GPR39: variants seen among roughly 807,000 people sequenced by gnomAD.
The protein encoded by GPR39 is G protein-coupled receptor 39.
Under a neutral mutation model 18.4 loss-of-function variants are expected in GPR39, and 23 were observed. The observed-to-expected ratio is 1.25, with a 90% CI of 0.90 to 1.77. The LOEUF is 1.77. Ranked by LOEUF, GPR39 falls within the 40% of genes most tolerant of loss-of-function variation. The pLI, the probability that GPR39 is intolerant of heterozygous loss-of-function variation, is 0.00. For missense variants in GPR39, 647 were observed against 602.4 expected (o/e 1.07, Z -0.78); for synonymous variants, 280 against 257.9 (o/e 1.09, Z -0.82).
intron 1 of GPR39, among the ~76,000 whole-genome samples, chr2:132,453,038 T>G (rs943145055): frequency 2.6e-5 from 4 of 152,172 alleles, no homozygotes; most frequent in Admixed American, 6.5e-5. Flanking sequence ...TAGTTCTACA[T>G]CCTTGAGGAA....
chr2:132,548,350 A>G (rs1679984709), intron 1 of GPR39, among the ~76,000 whole-genome samples: 1 of 152,184 alleles, frequency 6.6e-6, no homozygotes. Context: ...TAATATTTTG[A>G]TGGGAAACTA....
At chr2:132,518,458 ATG>A (rs1229751826) in intron 1 of GPR39, among the ~76,000 whole-genome samples, 1 of 152,206 alleles carries the variant, frequency 6.6e-6, no homozygotes, top group African/African-American at 2.4e-5. Context: ...ACTGCGAGTA[ATG>A]TGTGTTTGAG....
chr2:132,566,474 T>C (rs1165609305), intron 1 of GPR39, among the ~76,000 whole-genome samples: 1 of 152,176 alleles, frequency 6.6e-6, no homozygotes, highest in Non-Finnish European at 1.5e-5. Flanking sequence ...AGAAGCGGGG[T>C]GAGGCCACAG....
intron 1 of GPR39, among the ~76,000 whole-genome samples, chr2:132,529,520 C>T (rs567650433): frequency 5.9e-5 from 9 of 152,332 alleles, no homozygotes; most frequent in Middle Eastern, 3.4e-3. Context: ...TCTCCCAGCA[C>T]GCAGCTTGAG....
chr2:132,608,931 A>G (rs976132780), intron 1 of GPR39, among the ~76,000 whole-genome samples: 1 of 152,222 alleles, frequency 6.6e-6, no homozygotes, highest in African/African-American at 2.4e-5. Flanking sequence ...GCAGTGTTTC[A>G]GGAGACCTGC....
At chr2:132,498,457 T>C (rs1454978166) in intron 1 of GPR39, among the ~76,000 whole-genome samples, 3 of 152,206 alleles carry the variant, frequency 2.0e-5, no homozygotes, top group Non-Finnish European at 4.4e-5. Context: ...ATATACCACA[T>C]TTTCTTTATC....
intron 1 of GPR39, among the ~76,000 whole-genome samples, chr2:132,611,535 A>G (rs753746980): frequency 2.6e-5 from 4 of 152,106 alleles, no homozygotes; most frequent in African/African-American, 4.8e-5. Context: ...GCTTGGTTCA[A>G]TTAAGCATGT....
intron 1 of GPR39, among the ~76,000 whole-genome samples, chr2:132,520,459 T>A (rs1191984220): frequency 6.6e-6 from 1 of 152,200 alleles, no homozygotes; most frequent in Non-Finnish European, 1.5e-5. Context: ...TTCTGGGGTT[T>A]GGGGAACTGC....
At chr2:132,537,667 T>G (rs1361737980) in intron 1 of GPR39, among the ~76,000 whole-genome samples, 7 of 152,090 alleles carry the variant, frequency 4.6e-5, no homozygotes, top group Non-Finnish European at 1.5e-5. Context: ...CTCTCCATCT[T>G]TTTCAGGTAC....
chr2:132,645,470 T>C lies in GPR39; in HGVS notation c.1226T>C (p.Phe409Ser). ...TCTGCAAGGAGAACTGAGAAGATTT[T>C]CTTAAGCACTTTTCAGAGCGAGGCC... is the stretch of plus-strand genomic sequence containing the variant. ...QSSARRTEKI[F>S]LSTFQSEAEP... Residue 409 changes from phenylalanine to serine, a missense_variant, in exon 2 of 2, where the codon TTC becomes TCC. Phe to Ser is a radical substitution (Grantham distance 155). Coordinates refer to ENST00000329321, the MANE Select transcript of GPR39 (RefSeq NM_001508.3). 6.2e-7 allele frequency: 1 copy of C among 1,613,992 alleles called. No individual in the cohort carries two copies. The highest frequency in any genetic ancestry group is 8.5e-7 in the Non-Finnish European group (1 of 1,180,036).
At chr2:132,544,565 A>G (rs1258528532) in intron 1 of GPR39, among the ~76,000 whole-genome samples, 1 of 152,208 alleles carries the variant, frequency 6.6e-6, no homozygotes, top group South Asian at 2.1e-4. Flanking sequence ...GGCTTGCTGC[A>G]GGAGGTACTC....
chr2:132,636,614 T>G (rs1257482507), intron 1 of GPR39, among the ~76,000 whole-genome samples: 1 of 152,334 alleles, frequency 6.6e-6, no homozygotes, highest in East Asian at 1.9e-4. Context: ...TCATGGGCTG[T>G]GTAAATTTGG....
intron 1 of GPR39, among the ~76,000 whole-genome samples, chr2:132,427,908 A>ATTATAT (rs141029004): frequency 0.21 from 30,514 of 145,110 alleles, 3,404 homozygotes; most frequent in African/African-American, 0.25. Context: ...ATAATATAAA[A>ATTATAT]TTATATTTAA....
intron 1 of GPR39, among the ~76,000 whole-genome samples, chr2:132,607,581 G>A (rs140517529): frequency 1.3e-5 from 2 of 152,208 alleles, no homozygotes; most frequent in Non-Finnish European, 2.9e-5. Flanking sequence ...TATCTTTGAC[G>A]TCTGACACCA....
chr2:132,594,358 T>C (rs533572622), intron 1 of GPR39, among the ~76,000 whole-genome samples: 10 of 152,220 alleles, frequency 6.6e-5, no homozygotes, highest in Admixed American at 3.9e-4. Context: ...TGGTTGTATA[T>C]GTGTATGTGA....
Position 132,471,380 on chromosome 2 carries a change from G to A in GPR39, c.856+53482G>A, listed in dbSNP as rs189187743. ...CATGAGTGCCTAAAGTGGCCACATGGTAGATAGAGCTTCAAGCTCAGTGGA... is the reference window on the plus strand; with the variant it reads ...CATGAGTGCCTAAAGTGGCCACATGATAGATAGAGCTTCAAGCTCAGTGGA... On this transcript the variant is annotated intron_variant, in intron 1 of 1. Transcript: ENST00000329321. 3.1e-3 allele frequency among the ~76,000 whole-genome samples: 472 copies of A among 152,008 alleles called. 3 individuals carry two copies. Among genetic ancestry groups the A allele is most frequent in the Non-Finnish European group, 5.6e-3 (379 of 67,898 alleles).
chr2:132,529,797 C>A (rs1338040923), intron 1 of GPR39, among the ~76,000 whole-genome samples: 2 of 152,172 alleles, frequency 1.3e-5, no homozygotes, highest in Non-Finnish European at 2.9e-5. Context: ...AGGGTCCTGA[C>A]TGTTAGAAGG....
intron 1 of GPR39, among the ~76,000 whole-genome samples, chr2:132,450,289 A>T (rs1221547323): frequency 1.3e-5 from 2 of 152,196 alleles, no homozygotes; most frequent in East Asian, 3.9e-4. Flanking sequence ...GAATTGATGC[A>T]AAGCAGATGG....
In GPR39 at chr2:132,613,868, C is replaced by T. The variant is rs144539772; in HGVS notation, c.857-31233C>T. Among the ~76,000 whole-genome samples, 87 of 152,228 alleles carry T rather than the reference C, an allele frequency of 5.7e-4. No homozygotes were observed. The Middle Eastern group carries it at 0.01, about 18-fold the overall frequency. On this transcript the variant is annotated intron_variant, in intron 1 of 1. Transcript: ENST00000329321. The stretch of plus-strand genomic sequence containing the variant: ...CATCTTATTCTTCATGATTGTATCC[C>T]CAGTGTTTAACACAGTGTCTACGTC...
Sources: gnomAD v4.1 joint callset for allele counts (sites outside exome capture counted in the v4.1 genomes callset) on GRCh38, gnomAD v4.1.1 for gene constraint, MANE v1.5 for transcripts, NCBI Gene and HGNC (gene_info 2026-07-23, HGNC 2026-07-21) for gene names.